ABCC1: variants seen among roughly 807,000 people sequenced by gnomAD.
ABCC1 encodes multidrug resistance-associated protein 1.
In ABCC1, 83 loss-of-function variants were observed where a neutral mutation model predicts 172.9. The observed-to-expected ratio is 0.48, with a 90% confidence interval of 0.40 to 0.58. The LOEUF is 0.58. ABCC1 is among the 20% of genes least tolerant of loss of function. The probability of loss-of-function intolerance (pLI) is 0.00; values close to 1 mark genes in which losing one functional copy is unlikely to be tolerated. For synonymous variants in ABCC1, 937 were observed against 825.2 expected (o/e 1.14, Z -2.32); for missense variants, 1,817 against 2,002.7 (o/e 0.91, Z 1.77).
chr16:16,088,242 C>G lies in ABCC1; in HGVS notation c.2460+1251C>G, dbSNP rs12596095. Among the ~76,000 whole-genome samples, 1,293 of 151,870 alleles carry G rather than the reference C, an allele frequency of 8.5e-3. 16 individuals are homozygous for G. Among genetic ancestry groups the G allele is most frequent in the African/African-American group, 0.029 (1,193 of 41,376 alleles). ...AGTGGATCACCTGAGGTCAGGAGTT[C>G]GAGACCAGCCTGGCCAACATGGTGA... is the stretch of plus-strand genomic sequence containing the variant. On this transcript the variant is annotated intron_variant, in intron 18 of 30. Coordinates refer to ENST00000399410, the MANE Select transcript of ABCC1 (RefSeq NM_004996.4).
At position 16,125,919 on chromosome 16, in the gene ABCC1, A is replaced by C; in HGVS notation, c.3819+8A>C. 1 of 1,610,624 alleles carries C rather than the reference A, an allele frequency of 6.2e-7. No homozygotes were observed. Among genetic ancestry groups the C allele is most frequent in the Non-Finnish European group, 8.5e-7 (1 of 1,177,162 alleles). On this transcript the variant is annotated splice_region_variant and intron_variant, in intron 26 of 30. Coordinates refer to ENST00000399410, the MANE Select transcript of ABCC1 (RefSeq NM_004996.4). ...TCAGAGACTGAGAAGGAGGTAGGCA[A>C]GGGCCCCTGGCTGGACCTCTTGGTC...
At chr16:16,052,626 C>G (rs1280040385) in intron 10 of ABCC1, 98 bp from the exon 11 acceptor site, 2 of 1,162,988 alleles carry the variant, frequency 1.7e-6, no homozygotes, top group East Asian at 4.8e-5. Context: ...TGAACTTGGT[C>G]AGCAGCATCC....
intron 10 of ABCC1, among the ~76,000 whole-genome samples, chr16:16,048,660 C>A (rs932083084): frequency 2.6e-5 from 4 of 152,162 alleles, no homozygotes; most frequent in Non-Finnish European, 1.5e-5. Context: ...GGTCAAAATT[C>A]TCTCAATTGC....
rs1352798646 is a variant in ABCC1, at chr16:16,009,793, G to A, written c.243G>A (p.Leu81=). ...NKTKTALGFL[L]WIVCWADLFY... ...TCTTCCAGGCCTTGGGATTTTTGCT[G>A]TGGATCGTCTGCTGGGCAGACCTCT... is the stretch of plus-strand genomic sequence containing the variant. The change falls in exon 3 of 31, where the codon CTG becomes CTA. Residue 81 remains leucine (L), a synonymous_variant. Transcript: ENST00000399410. 1.2e-6 allele frequency: 2 copies of A among 1,607,238 alleles called. No individual in the cohort carries two copies. The highest frequency in any genetic ancestry group is 1.7e-5 in the Admixed American group (1 of 58,766).
intron 14 of ABCC1, among the ~76,000 whole-genome samples, chr16:16,074,506 A>G (rs1324872242): frequency 6.6e-6 from 1 of 152,174 alleles, no homozygotes; most frequent in Non-Finnish European, 1.5e-5. Flanking sequence ...TCACAGCTCA[A>G]TGCAAGCATC....
At chr16:16,102,816 G>GA in intron 20 of ABCC1, 99 bp downstream of exon 20, 1 of 1,160,830 alleles carries the variant, frequency 8.6e-7, no homozygotes, top group South Asian at 1.4e-5. Flanking sequence ...TGAGGTCCTG[G>GA]AAGGCCTGGG....
intron 3 of ABCC1, 89 bp downstream of exon 3, chr16:16,009,990 T>C: frequency 9.1e-7 from 1 of 1,098,996 alleles, no homozygotes; most frequent in Non-Finnish European, 1.2e-6. Context: ...AATCATAGTT[T>C]TTTAAGGCAA....
At chr16:16,034,522 T>C (rs1451553529) in intron 6 of ABCC1, among the ~76,000 whole-genome samples, 2 of 151,916 alleles carry the variant, frequency 1.3e-5, no homozygotes, top group East Asian at 3.9e-4. Context: ...ATGTCCTGGA[T>C]TGGAAGAGAA....
At chr16:16,121,345 C>T (rs952585069) in intron 23 of ABCC1, among the ~76,000 whole-genome samples, 1 of 152,200 alleles carries the variant, frequency 6.6e-6, no homozygotes, top group Non-Finnish European at 1.5e-5. Context: ...CCTGGCCGAG[C>T]AAGCCTTGTT....
chr16:16,025,149 GT>G (rs1393276124), intron 5 of ABCC1, among the ~76,000 whole-genome samples: 2 of 152,182 alleles, frequency 1.3e-5, no homozygotes, highest in African/African-American at 4.8e-5. Flanking sequence ...AATCACCAGT[GT>G]TTACGTTATA....
intron 10 of ABCC1, among the ~76,000 whole-genome samples, chr16:16,048,627 A>G (rs541547903): frequency 5.9e-5 from 9 of 152,268 alleles, no homozygotes; most frequent in African/African-American, 2.2e-4. Flanking sequence ...AGACTCACTT[A>G]TTCATTAGTC....
At chr16:16,109,550 C>G (rs759278538) in intron 21 of ABCC1, among the ~76,000 whole-genome samples, 1 of 152,132 alleles carries the variant, frequency 6.6e-6, no homozygotes, top group Non-Finnish European at 1.5e-5. Flanking sequence ...GGGTAAAGAT[C>G]CCTGGAATTT....
chr16:16,111,406 A>G lies in ABCC1; in HGVS notation c.2903A>G (p.Lys968Arg). Residue 968 changes from lysine (K) to arginine (R), a missense_variant, in exon 22 of 31, where the codon AAG (lysine) becomes AGG (arginine). Lys to Arg is a conservative substitution (Grantham distance 26). Around this residue, in one of 3 missense-constraint regions of ABCC1, gnomAD observed 1,412 missense variants for 1,600.3 expected, o/e 0.88. Transcript: ENST00000399410. ...CTTTCCGTGTACTGGGACTACATGAAGGCCATCGGACTCTTCATCTCCTTC... is the reference window on the plus strand; with the variant it reads ...CTTTCCGTGTACTGGGACTACATGAGGGCCATCGGACTCTTCATCTCCTTC... ...VKLSVYWDYM[K>R]AIGLFISFLS... is the part of the protein sequence containing the mutation. The G allele has an allele frequency of 1.2e-6, 2 of 1,614,080 alleles. No homozygotes were observed. The highest frequency in any genetic ancestry group is 1.7e-6 in the Non-Finnish European group (2 of 1,180,020).
chr16:16,052,369 G>A (rs1255002972), intron 10 of ABCC1, among the ~76,000 whole-genome samples: 1 of 151,796 alleles, frequency 6.6e-6, no homozygotes, highest in East Asian at 1.9e-4. Flanking sequence ...GAAGTAGGAG[G>A]ATCACTGATG....
intron 20 of ABCC1, among the ~76,000 whole-genome samples, chr16:16,104,513 G>A (rs554598381): frequency 6.6e-6 from 1 of 152,198 alleles, no homozygotes; most frequent in Non-Finnish European, 1.5e-5. Flanking sequence ...CCTTGAGCTA[G>A]ATACAGAGTG....
intron 19 of ABCC1, chr16:16,099,018 C>T (rs1042008579): frequency 1.9e-5 from 17 of 916,578 alleles, no homozygotes; most frequent in Admixed American, 3.9e-5. Flanking sequence ...TTCACCCCTC[C>T]GGTTGTTCAT....
chr16:16,132,359 G>A (rs1258599669), intron 27 of ABCC1, among the ~76,000 whole-genome samples: 2 of 151,698 alleles, frequency 1.3e-5, no homozygotes, highest in Non-Finnish European at 2.9e-5. Flanking sequence ...TTTTTGTAGA[G>A]ATGGGGGTCC....
chr16:16,103,879 G>A (rs10438544), intron 20 of ABCC1, among the ~76,000 whole-genome samples: 243 of 152,256 alleles, frequency 1.6e-3, no homozygotes, highest in African/African-American at 5.4e-3. Context: ...AGACCCTCAC[G>A]GTGAGTGTTA....
chr16:16,110,166 G>A (rs917499867), intron 21 of ABCC1, among the ~76,000 whole-genome samples: 2 of 150,968 alleles, frequency 1.3e-5, no homozygotes, highest in Non-Finnish European at 2.9e-5. Context: ...TGTGCAGTAA[G>A]TTTGGCTTGG....
Sources: gnomAD v4.1 joint callset for allele counts (sites outside exome capture counted in the v4.1 genomes callset) on GRCh38, gnomAD v4.1.1 for gene constraint, gnomAD v4.1.1 regional missense constraint, MANE v1.5 for transcripts, NCBI Gene and HGNC (gene_info 2026-07-23, HGNC 2026-07-21) for gene names.